The following CHRNA2 variants were observed in gnomAD, a reference collection of about 807,000 sequenced individuals.
The protein encoded by CHRNA2 is neuronal acetylcholine receptor subunit alpha-2.
A neutral mutation model predicts 45.5 loss-of-function variants in CHRNA2; 40 were observed. The observed-to-expected ratio is 0.88, with a 90% CI of 0.68 to 1.15. The LOEUF (loss-of-function observed/expected upper bound fraction) is 1.15, where lower values mean the gene tolerates loss of function less well. Ranked by LOEUF, CHRNA2 falls within the 50% of genes most tolerant of loss-of-function variation. CHRNA2 has a pLI of 0.00. For missense variants in CHRNA2, 655 were observed against 701.7 expected, an observed-to-expected ratio of 0.93 and a Z score of 0.75; for synonymous variants, 301 against 296.7, an observed-to-expected ratio of 1.01 and a Z score of -0.15.
At chr8:27,473,134 A>G (rs1812942398) in intron 1 of CHRNA2, among the ~76,000 whole-genome samples, 1 of 152,118 alleles carries the variant, frequency 6.6e-6, no homozygotes, top group Non-Finnish European at 1.5e-5. Flanking sequence ...TCAAATTAGC[A>G]TTTTTTGAAA....
Position 27,463,176 on chromosome 8 carries a change from A to T in CHRNA2, c.1267T>A (p.Trp423Arg). 2.5e-6 allele frequency: 4 copies of T among 1,595,542 alleles called. No individual in the cohort carries two copies. Among genetic ancestry groups the T allele is most frequent in the Non-Finnish European group, 3.4e-6 (4 of 1,167,586 alleles). Residue 423 changes from tryptophan (W) to arginine (R), a missense_variant, in exon 6 of 7, where the codon TGG becomes AGG. Physicochemically the swap from Trp to Arg is moderately radical, Grantham distance 101. Coordinates refer to ENST00000407991, the MANE Select transcript of CHRNA2 (RefSeq NM_000742.4). The surrounding 1 kb of genome is among the most constrained non-coding windows in gnomAD (Gnocchi z 6.1). ...GGGGCCACATGACCTGCACATGCCC[A>T]TCTGTCCTCCTCCTCCACCACCACC... ...REVVVEEEDR[W>R]ACAGHVAPSV... is the part of the protein sequence containing the mutation.
chr8:27,462,783 C>T (rs1812537243), intron 6 of CHRNA2, among the ~76,000 whole-genome samples, 196 bp downstream of exon 6: 1 of 152,226 alleles, frequency 6.6e-6, no homozygotes, highest in Non-Finnish European at 1.5e-5. Context: ...TAACATGCCA[C>T]GTGCCAATAA....
intron 3 of CHRNA2, 75 bp from the exon 4 acceptor site, chr8:27,469,454 C>T: frequency 3.4e-6 from 5 of 1,457,096 alleles, no homozygotes; most frequent in Non-Finnish European, 3.8e-6. Flanking sequence ...GTGGGATGGG[C>T]TGTTTTCAGA....
intron 6 of CHRNA2, 139 bp from the exon 7 acceptor site, chr8:27,461,893 A>G (rs2132647047): frequency 8.3e-7 from 1 of 1,204,176 alleles, no homozygotes; most frequent in Non-Finnish European, 1.2e-6. Flanking sequence ...AAAGGTCAGC[A>G]CAGGGAGCGG....
chr8:27,461,208 A>C lies in CHRNA2; in HGVS notation c.*421T>G, dbSNP rs1160994601. On this transcript the variant is annotated 3_prime_UTR_variant, in exon 7 of 7. Coordinates refer to ENST00000407991, the MANE Select transcript of CHRNA2 (RefSeq NM_000742.4). ...CATCTCCAAATCTAAACATTGTTCA[A>C]AGCCCTTCCACATCCAAGAACCCTC... 4.7e-6 allele frequency: 1 copy of C among 214,222 alleles called. No homozygotes were observed. Among genetic ancestry groups the C allele is most frequent in the Non-Finnish European group, 9.6e-6 (1 of 103,790 alleles). The allele number at this position is 214,222 out of a possible 1,614,324, so 13.3% of individuals were successfully genotyped here.
intron 1 of CHRNA2, among the ~76,000 whole-genome samples, chr8:27,473,528 C>CCCA (rs1554516125): frequency 3.3e-5 from 4 of 119,678 alleles, no homozygotes; most frequent in African/African-American, 1.3e-4. Flanking sequence ...AGTGAGACCC[C>CCCA]CCCCGCCGTC....
Position 27,463,807 on chromosome 8 carries a change from G to T in CHRNA2, c.636C>A (p.Asp212Glu), listed in dbSNP as rs775471233. 1.9e-6 allele frequency: 3 copies of T among 1,614,192 alleles called. No individual in the cohort carries two copies. Among genetic ancestry groups the T allele is most frequent in the South Asian group, 1.1e-5 (1 of 91,086 alleles). The change falls in exon 6 of 7, where the codon GAC (aspartate) becomes GAA (glutamate). Residue 212 changes from aspartate to glutamate, a missense_variant. Asp to Glu is a conservative substitution (Grantham distance 45). This residue lies in a region of CHRNA2 where 323 missense variants were observed against 354.4 expected (regional missense o/e 0.91). Coordinates refer to ENST00000407991, the MANE Select transcript of CHRNA2 (RefSeq NM_000742.4). The surrounding 1 kb of genome is among the most constrained non-coding windows in gnomAD (Gnocchi z 6.1). ...GSWTYDKAKI[D>E]LEQMEQTVDL... Reference sequence around the variant, plus strand: ...CCACAGTCTGCTCCATCTGCTCCAGGTCGATCTTGGCCTTGTCATAAGTCC... The same window carrying T: ...CCACAGTCTGCTCCATCTGCTCCAGTTCGATCTTGGCCTTGTCATAAGTCC...
In CHRNA2 at chr8:27,461,456, C is replaced by A. The variant is rs957351653; in HGVS notation, c.*173G>T. The A allele has an allele frequency of 5.5e-6, 5 of 909,352 alleles. No homozygotes were observed. Among genetic ancestry groups the A allele is most frequent in the Non-Finnish European group, 6.6e-6 (4 of 604,026 alleles). The allele number at this position is 909,352 out of a possible 1,614,324, so 56.3% of individuals were successfully genotyped here. A position where few individuals can be genotyped will look rare whatever the true frequency, so the allele number is the denominator to read the frequency against. On this transcript the variant is annotated 3_prime_UTR_variant, in exon 7 of 7. Transcript: ENST00000407991. ...GGCTTTGCACCCAGCAGGCTGTCAGCCCTGGTACAATAACGTTAAGCTGGA... is the reference window on the plus strand; with the variant it reads ...GGCTTTGCACCCAGCAGGCTGTCAGACCTGGTACAATAACGTTAAGCTGGA...
intron 4 of CHRNA2, 41 bp from the exon 5 acceptor site, chr8:27,467,379 G>A (rs924412195): frequency 6.6e-7 from 1 of 1,509,404 alleles, no homozygotes; most frequent in Non-Finnish European, 9.2e-7. Flanking sequence ...CGCTTCCAGG[G>A]AGCAGCCTAG....
rs745670660 is a variant in CHRNA2, at chr8:27,469,936, G to A, written c.119C>T (p.Pro40Leu). ...KRPPPRAPGD[P>L]LSSPSPTALP... ...TGCCGTGGGACTGGGAGAGGAGAGTGGGTCTCCAGGAGCCCTGGGAGGTGG... is the reference window on the plus strand; with the variant it reads ...TGCCGTGGGACTGGGAGAGGAGAGTAGGTCTCCAGGAGCCCTGGGAGGTGG... The change falls in exon 3 of 7, where the codon CCA becomes CTA. Residue 40 changes from proline to leucine, a missense_variant. Physicochemically the swap from Pro to Leu is moderately conservative, Grantham distance 98. Transcript: ENST00000407991. 34 of 1,613,980 alleles carry A rather than the reference G, an allele frequency of 2.1e-5. No homozygotes were observed. The highest frequency in any genetic ancestry group is 2.7e-5 in the Non-Finnish European group (32 of 1,180,038).
intron 5 of CHRNA2, among the ~76,000 whole-genome samples, chr8:27,464,530 G>A (rs996170077): frequency 6.6e-6 from 1 of 152,104 alleles, no homozygotes; most frequent in African/African-American, 2.4e-5. Flanking sequence ...GGCAGTTTTG[G>A]GGAAGGGGTG....
At chr8:27,465,828 T>G (rs1363135307) in intron 5 of CHRNA2, among the ~76,000 whole-genome samples, 1 of 152,214 alleles carries the variant, frequency 6.6e-6, no homozygotes. Context: ...AACTCTAAGA[T>G]GCCTTCCTCT....
chr8:27,461,775 A>T, intron 6 of CHRNA2, 21 bp from the exon 7 acceptor site: 1 of 1,613,758 alleles, frequency 6.2e-7, no homozygotes, highest in Admixed American at 1.7e-5. Flanking sequence ...GACAGCACAC[A>T]GTGACAGGGG....
At chr8:27,476,073 G>A (rs879500210) in intron 1 of CHRNA2, among the ~76,000 whole-genome samples, 1 of 152,222 alleles carries the variant, frequency 6.6e-6, no homozygotes, top group African/African-American at 2.4e-5. Flanking sequence ...CATTCATAGT[G>A]TGATTGTTTA....
Position 27,461,329 on chromosome 8 carries a change from G to A in CHRNA2, c.*300C>T. ...CTGGTTGACCCTTCTGTCACTTAGG[G>A]TCTGCACTGCTCCTCCAGGAGAATC... On this transcript the variant is annotated 3_prime_UTR_variant, in exon 7 of 7. Coordinates refer to ENST00000407991, the MANE Select transcript of CHRNA2 (RefSeq NM_000742.4). The A allele has an allele frequency of 2.3e-6, 1 of 441,704 alleles. No homozygotes were observed. Among genetic ancestry groups the A allele is most frequent in the Non-Finnish European group, 4.2e-6 (1 of 237,572 alleles). The allele number at this position is 441,704 out of a possible 1,614,324, so 27.4% of individuals were successfully genotyped here. A position where few individuals can be genotyped will look rare whatever the true frequency, so the allele number is the denominator to read the frequency against.
At chr8:27,477,664 G>A (rs568018540) in intron 1 of CHRNA2, among the ~76,000 whole-genome samples, 1 of 152,138 alleles carries the variant, frequency 6.6e-6, no homozygotes, top group African/African-American at 2.4e-5. Context: ...ACAGTAATTA[G>A]AGGGAACTTC....
intron 5 of CHRNA2, among the ~76,000 whole-genome samples, chr8:27,465,236 G>T (rs576954808): frequency 6.6e-6 from 1 of 152,208 alleles, no homozygotes; most frequent in Admixed American, 6.5e-5. Context: ...GAGGTGGCTC[G>T]GTGGGCTCCT....
Position 27,463,585 on chromosome 8 carries a change from G to T in CHRNA2, c.858C>A (p.Val286=). ...CLLISCLTVL[V]FYLPSDCGEK... is the part of the protein sequence containing the mutation. ...CGCCGCAGTCGGAGGGCAGGTAGAA[G>T]ACCAGCACAGTGAGGCAGGAGATGA... The change falls in exon 6 of 7, where the codon GTC becomes GTA. Residue 286 remains valine (V), a synonymous_variant. Coordinates refer to ENST00000407991, the MANE Select transcript of CHRNA2 (RefSeq NM_000742.4). This position sits in a 1 kb window ranked among gnomAD's most constrained non-coding sequence, Gnocchi z 6.1. 6.2e-7 allele frequency: 1 copy of T among 1,614,218 alleles called. No individual in the cohort carries two copies. The highest frequency in any genetic ancestry group is 8.5e-7 in the Non-Finnish European group (1 of 1,180,048).
At chr8:27,467,518 A>T (rs897313454) in intron 4 of CHRNA2, 180 bp from the exon 5 acceptor site, 2 of 592,178 alleles carry the variant, frequency 3.4e-6, no homozygotes, top group East Asian at 5.7e-5. Context: ...CTGAGCAAGT[A>T]ACCAACCTTC....
Sources: allele counts gnomAD v4.1 joint callset (sites outside exome capture counted in the v4.1 genomes callset), GRCh38; gene constraint gnomAD v4.1.1; regional missense constraint gnomAD v4.1.1; non-coding constraint Gnocchi (gnomAD v3.1); transcripts MANE v1.5; gene names NCBI Gene and HGNC (gene_info 2026-07-23, HGNC 2026-07-21).